Variants in PCDHGA1 observed in about 807,000 individuals in gnomAD.
PCDHGA1 encodes protocadherin gamma subfamily A, 1.
In PCDHGA1, 32 loss-of-function variants were observed where a neutral mutation model predicts 58.0. The ratio of observed to expected loss-of-function variants is 0.55; its 90% CI spans 0.42 to 0.74. PCDHGA1 has a LOEUF of 0.74. PCDHGA1 is among the 30% of genes least tolerant of loss of function. The pLI is 0.00. For synonymous variants in PCDHGA1, 498 were observed against 501.1 expected, an observed-to-expected ratio of 0.99 and a Z score of 0.08; for missense variants, 1,205 against 1,182.3, an observed-to-expected ratio of 1.02 and a Z score of -0.28.
intron 1 of PCDHGA1, chr5:141,408,518 T>A (rs1330187050): frequency 6.2e-7 from 1 of 1,614,010 alleles, no homozygotes; most frequent in African/African-American, 1.3e-5. Flanking sequence ...TGAGTTGCAA[T>A]TGGAAGCTGT....
chr5:141,407,200 G>A (rs1054595818), intron 1 of PCDHGA1, among the ~76,000 whole-genome samples: 2 of 152,228 alleles, frequency 1.3e-5, no homozygotes, highest in East Asian at 1.9e-4. Context: ...TTTCAAACAC[G>A]TTTTCCCCCT....
intron 1 of PCDHGA1, chr5:141,414,517 G>A: frequency 6.2e-7 from 1 of 1,613,964 alleles, no homozygotes; most frequent in Non-Finnish European, 8.5e-7. Context: ...ACAAGTGGCA[G>A]ATATCAATGA....
At chr5:141,449,261 G>A (rs148515123) in intron 1 of PCDHGA1, among the ~76,000 whole-genome samples, 101 of 152,156 alleles carry the variant, frequency 6.6e-4, no homozygotes, top group Non-Finnish European at 1.3e-3. Flanking sequence ...ATTGTACAAA[G>A]AACTGTATCT....
At chr5:141,413,066 A>T in intron 1 of PCDHGA1, 2 of 1,161,944 alleles carry the variant, frequency 1.7e-6, no homozygotes, top group Non-Finnish European at 2.4e-6. Flanking sequence ...TCCAGAATTT[A>T]AAGTGCCCAG....
At chr5:141,345,230 T>A (rs1422786887) in intron 1 of PCDHGA1, 1 of 1,613,746 alleles carries the variant, frequency 6.2e-7, no homozygotes, top group Admixed American at 1.7e-5. Flanking sequence ...AATCAATAGA[T>A]CAATATTACC....
intron 1 of PCDHGA1, among the ~76,000 whole-genome samples, chr5:141,380,312 T>C (rs1776368746): frequency 6.6e-6 from 1 of 152,162 alleles, no homozygotes; most frequent in Middle Eastern, 3.2e-3. Context: ...TGCTTGAGAA[T>C]GAAAATCTAA....
intron 1 of PCDHGA1, among the ~76,000 whole-genome samples, chr5:141,425,406 T>C (rs915792432): frequency 3.9e-5 from 6 of 152,222 alleles, no homozygotes; most frequent in Non-Finnish European, 7.3e-5. Flanking sequence ...TCTGTTAAGG[T>C]ATAACATATA....
At chr5:141,365,274 A>G (rs199512708) in intron 1 of PCDHGA1, 679 of 1,613,988 alleles carry the variant, frequency 4.2e-4, no homozygotes, top group Non-Finnish European at 5.0e-4. Context: ...TCCAGATTCT[A>G]CCTCATGGAA....
chr5:141,464,853 C>A (rs1441161135), intron 1 of PCDHGA1, among the ~76,000 whole-genome samples: 1 of 151,778 alleles, frequency 6.6e-6, no homozygotes, highest in East Asian at 1.9e-4. Flanking sequence ...ATCCTCCTAC[C>A]TTAGCCTCCC....
chr5:141,442,716 G>A (rs1367250926), intron 1 of PCDHGA1, among the ~76,000 whole-genome samples: 1 of 152,206 alleles, frequency 6.6e-6, no homozygotes, highest in East Asian at 1.9e-4. Context: ...ACATGCCAGA[G>A]CATTTGGGGC....
chr5:141,419,945 T>TTGGCCTTGATTTCTG (rs1205104698), intron 1 of PCDHGA1: 6 of 1,613,970 alleles, frequency 3.7e-6, no homozygotes, highest in Non-Finnish European at 4.2e-6. Flanking sequence ...GGTGGTGGCC[T>TTGGCCTTGATTTCTG]TGGCCTTGAT....
At chr5:141,393,275 C>T (rs769641711) in intron 1 of PCDHGA1, 4 of 1,613,828 alleles carry the variant, frequency 2.5e-6, no homozygotes, top group East Asian at 4.5e-5. Context: ...GTTATCCACT[C>T]CCAGAAGCTG....
At chr5:141,502,231 G>A (rs2099813372) in intron 2 of PCDHGA1, among the ~76,000 whole-genome samples, 1 of 152,172 alleles carries the variant, frequency 6.6e-6, no homozygotes, top group Non-Finnish European at 1.5e-5. Context: ...TGTTCTGTGT[G>A]TTCTTTTATC....
chr5:141,490,423 T>C lies in PCDHGA1; in HGVS notation c.2422-4384T>C. ...CCTTGATATCTCTCCGGACCTGCCATTTCAGATTAAGCCTTCTGAGAACCA... is the reference window on the plus strand; with the variant it reads ...CCTTGATATCTCTCCGGACCTGCCACTTCAGATTAAGCCTTCTGAGAACCA... On this transcript the variant is annotated intron_variant, in intron 1 of 3. Coordinates refer to ENST00000517417, the MANE Select transcript of PCDHGA1 (RefSeq NM_018912.3). This position sits in a 1 kb window ranked among gnomAD's most constrained non-coding sequence, Gnocchi z 5.4. 6.2e-7 allele frequency: 1 copy of C among 1,614,172 alleles called. No individual in the cohort carries two copies. The highest frequency in any genetic ancestry group is 8.5e-7 in the Non-Finnish European group (1 of 1,180,028).
chr5:141,353,928 C>G (rs1759418004), intron 1 of PCDHGA1, among the ~76,000 whole-genome samples: 1 of 152,160 alleles, frequency 6.6e-6, no homozygotes, highest in South Asian at 2.1e-4. Flanking sequence ...TGAGTCATTT[C>G]TACTGCTAAT....
In PCDHGA1 at chr5:141,403,434, A is replaced by C. The variant is rs774605332; in HGVS notation, c.2421+70329A>C. On this transcript the variant is annotated intron_variant, in intron 1 of 3. Transcript: ENST00000517417. ...CCACTTCCAGAAGCTATTGATCCGGATGTTGGCGTGAACTCCCTCCAGAGC... is the reference window on the plus strand; with the variant it reads ...CCACTTCCAGAAGCTATTGATCCGGCTGTTGGCGTGAACTCCCTCCAGAGC... The C allele has an allele frequency of 1.9e-6, 3 of 1,614,024 alleles. No individual in the cohort carries two copies. In the South Asian group the frequency reaches 3.3e-5, roughly 18 times the overall value.
At chr5:141,400,014 C>T (rs2093941558) in intron 1 of PCDHGA1, 1 of 1,612,662 alleles carries the variant, frequency 6.2e-7, no homozygotes, top group Non-Finnish European at 8.5e-7. Flanking sequence ...GTGCCTTGGG[C>T]GACAGGGACG....
intron 1 of PCDHGA1, chr5:141,415,738 A>G (rs2095905853): frequency 5.6e-6 from 3 of 538,228 alleles, no homozygotes; most frequent in South Asian, 3.9e-5. Context: ...ATGTTTATTA[A>G]GGTTTTTTTT....
rs1451071413 is a variant in PCDHGA1, at chr5:141,415,742, T to G, written c.2422-79065T>G. 19 of 216,608 alleles carry G rather than the reference T, an allele frequency of 8.8e-5. 1 individual carries two copies. In the Admixed American group the frequency reaches 4.5e-3, roughly 51 times the overall value. 13.4% of individuals were successfully genotyped at this position (216,608 alleles called of 1,614,324 possible). ...AGTAGAATTTGATGTTTATTAAGGT[T>G]TTTTTTTTTTTTTTTTTTTTTTTTT... On this transcript the variant is annotated intron_variant, in intron 1 of 3. Transcript: ENST00000517417.
Sources: gnomAD v4.1 joint callset for allele counts (sites outside exome capture counted in the v4.1 genomes callset) on GRCh38, gnomAD v4.1.1 for gene constraint, Gnocchi (gnomAD v3.1) non-coding constraint, MANE v1.5 for transcripts, NCBI Gene and HGNC (gene_info 2026-07-23, HGNC 2026-07-21) for gene names.